Variants in TBXAS1 observed in about 807,000 individuals in gnomAD.
TBXAS1 encodes thromboxane-A synthase.
TBXAS1 carries 48 observed loss-of-function variants against 60.7 expected under a neutral mutation model. The observed-to-expected ratio is 0.79, with a 90% CI of 0.63 to 1.01. The LOEUF (loss-of-function observed/expected upper bound fraction) is 1.01, where lower values mean the gene tolerates loss of function less well. TBXAS1 is among the 50% of genes least tolerant of loss of function. TBXAS1 has a pLI of 0.00. For synonymous variants in TBXAS1, 287 were observed against 269.7 expected (o/e 1.06, Z -0.63); for missense variants, 685 against 686.3 (o/e 1.00, Z 0.02).
In TBXAS1 at chr7:139,952,014, A is replaced by AAAGAAAGAAAGAAAGAAAG. The variant is rs1569518460; in HGVS notation, c.451-1353_451-1352insAGAAAGAAAGAAAGAAAGA. Among the ~76,000 whole-genome samples the AAAGAAAGAAAGAAAGAAAG allele has an allele frequency of 7.7e-4, 31 of 40,128 alleles. 1 individual carries two copies. Among genetic ancestry groups the AAAGAAAGAAAGAAAGAAAG allele is most frequent in the South Asian group, 2.2e-3 (3 of 1,368 alleles). The allele number at this position is 40,128 out of a possible 152,430, so 26.3% of individuals were successfully genotyped here. A position where few individuals can be genotyped will look rare whatever the true frequency, so the allele number is the denominator to read the frequency against. Reference sequence around the variant, plus strand: ...AGAAAGAAAGAAAGAAAGAAAGAAAAAGAAAGGAAGGAAGGAGGGAAGGAA... The same window carrying AAAGAAAGAAAGAAAGAAAG: ...AGAAAGAAAGAAAGAAAGAAAGAAAAAAGAAAGAAAGAAAGAAAGAGAAAGGAAGGAAGGAGGGAAGGAA... On this transcript the variant is annotated intron_variant, in intron 5 of 12. Transcript: ENST00000448866.
chr7:139,799,158 TC>T (rs1176007118), intron 4 of TBXAS1, among the ~76,000 whole-genome samples: 2 of 150,430 alleles, frequency 1.3e-5, no homozygotes, highest in African/African-American at 4.9e-5. Flanking sequence ...AGCTTCCACT[TC>T]CTGGGCTCAA....
intron 4 of TBXAS1, among the ~76,000 whole-genome samples, chr7:139,820,576 G>C (rs17178543): frequency 0.097 from 14,751 of 152,060 alleles, 833 homozygotes; most frequent in Non-Finnish European, 0.13. Flanking sequence ...AAATAGACGG[G>C]TTACAGTTAC....
At chr7:139,810,120 T>C (rs1422808453) in intron 4 of TBXAS1, among the ~76,000 whole-genome samples, 1 of 151,424 alleles carries the variant, frequency 6.6e-6, no homozygotes. Context: ...CACTGCAACC[T>C]CTGTTTCACG....
chr7:139,891,401 C>T (rs1325266254), intron 3 of TBXAS1, among the ~76,000 whole-genome samples: 3 of 151,932 alleles, frequency 2.0e-5, no homozygotes, highest in African/African-American at 2.4e-5. Flanking sequence ...AGAGTTTGGC[C>T]GGGCTAGTTG....
At chr7:139,908,805 C>G (rs1805299770) in intron 3 of TBXAS1, among the ~76,000 whole-genome samples, 1 of 152,254 alleles carries the variant, frequency 6.6e-6, no homozygotes, top group Non-Finnish European at 1.5e-5. Context: ...GTTATCATCT[C>G]CCTTTCCTTT....
At chr7:139,953,613 A>C in intron 6 of TBXAS1, 157 bp downstream of exon 6, 1 of 712,136 alleles carries the variant, frequency 1.4e-6, no homozygotes, top group Non-Finnish European at 2.4e-6. Flanking sequence ...AAGAAAAGAA[A>C]CCCACTTAAC....
chr7:140,004,496 G>A lies in TBXAS1; in HGVS notation c.1135-2595G>A, dbSNP rs117685285. Among the ~76,000 whole-genome samples, 257 of 152,346 alleles carry A rather than the reference G, an allele frequency of 1.7e-3. 7 individuals are homozygous for A. The East Asian group carries it at 0.042, about 25-fold the overall frequency. On this transcript the variant is annotated intron_variant, in intron 9 of 12. Coordinates refer to ENST00000448866, the MANE Select transcript of TBXAS1 (RefSeq NM_001061.7). This position sits in a 1 kb window ranked among gnomAD's most constrained non-coding sequence, Gnocchi z 5.1. ...CACTGAAATTACACAATTGGTGTTT[G>A]TGACTTGTTGGCCAGAAGAGACAAA...
rs780174620 is a variant in TBXAS1, at chr7:140,015,831, G to C, written c.1335G>C (p.Trp445Cys). 1 of 1,613,806 alleles carries C rather than the reference G, an allele frequency of 6.2e-7. No homozygotes were observed. The highest frequency in any genetic ancestry group is 8.5e-7 in the Non-Finnish European group (1 of 1,180,044). The change falls in exon 11 of 13, where the codon TGG (tryptophan) becomes TGC (cysteine). Residue 445 changes from tryptophan to cysteine, a missense_variant. Transcript: ENST00000448866. ...CCCTGCACCATGACCCTGAGCACTG[G>C]CCAAGCCCGGAGACCTTCAACCCTG... ...VGALHHDPEHWPSPETFNPER... is the reference protein window; with the variant it reads ...VGALHHDPEHCPSPETFNPER...
chr7:139,838,070 C>T (rs370491973), intron 1 of TBXAS1, among the ~76,000 whole-genome samples: 17 of 152,272 alleles, frequency 1.1e-4, no homozygotes, highest in East Asian at 3.9e-4. Context: ...GGCCCCCTGT[C>T]GCTCTCTCCC....
chr7:139,808,650 A>T (rs1797938689), intron 4 of TBXAS1, among the ~76,000 whole-genome samples: 1 of 152,142 alleles, frequency 6.6e-6, no homozygotes, highest in African/African-American at 2.4e-5. Flanking sequence ...ACATCTGGTC[A>T]ATACTTATCC....
chr7:139,804,764 A>G (rs778402523), intron 4 of TBXAS1, among the ~76,000 whole-genome samples: 6 of 152,188 alleles, frequency 3.9e-5, no homozygotes, highest in Non-Finnish European at 5.9e-5. Flanking sequence ...CATGTAAGAC[A>G]TGCCTTTGCT....
intron 1 of TBXAS1, among the ~76,000 whole-genome samples, chr7:139,832,889 C>T (rs191488802): frequency 6.0e-4 from 91 of 152,274 alleles, no homozygotes; most frequent in African/African-American, 1.9e-3. Context: ...AAGATACAGT[C>T]GTTTTCAGAC....
At chr7:139,904,812 G>A (rs548535841) in intron 3 of TBXAS1, among the ~76,000 whole-genome samples, 9 of 152,064 alleles carry the variant, frequency 5.9e-5, no homozygotes. Flanking sequence ...TGGAAACTTT[G>A]CTGAATTTTT....
At chr7:140,019,941 G>C in intron 12 of TBXAS1, 84 bp from the exon 13 acceptor site, 1 of 1,324,888 alleles carries the variant, frequency 7.5e-7, no homozygotes, top group African/African-American at 1.4e-5. Flanking sequence ...CAACGGACTT[G>C]GCCTTCTTGA....
chr7:140,003,656 A>C (rs1813856144), intron 9 of TBXAS1, among the ~76,000 whole-genome samples: 1 of 152,194 alleles, frequency 6.6e-6, no homozygotes, highest in East Asian at 1.9e-4. Flanking sequence ...GACAACTTAC[A>C]AGCCATACAG....
chr7:139,955,266 T>C (rs1809750881), intron 6 of TBXAS1, among the ~76,000 whole-genome samples, 193 bp from the exon 7 acceptor site: 1 of 152,130 alleles, frequency 6.6e-6, no homozygotes, highest in Non-Finnish European at 1.5e-5. Context: ...CTGCCGTCAC[T>C]GCTCAGAGTG....
chr7:139,968,500 G>A (rs745984771), intron 9 of TBXAS1, among the ~76,000 whole-genome samples: 1 of 152,054 alleles, frequency 6.6e-6, no homozygotes, highest in Non-Finnish European at 1.5e-5. Flanking sequence ...TTTCCATGTT[G>A]GTCAGTCTGG....
At chr7:139,994,322 C>G (rs1012882261) in intron 9 of TBXAS1, among the ~76,000 whole-genome samples, 1 of 152,222 alleles carries the variant, frequency 6.6e-6, no homozygotes, top group Non-Finnish European at 1.5e-5. Context: ...GGATTACAGG[C>G]GTGAGCCATT....
chr7:139,826,955 G>A (rs1798452426), upstream of TBXAS1, among the ~76,000 whole-genome samples: 1 of 152,098 alleles, frequency 6.6e-6, no homozygotes, highest in African/African-American at 2.4e-5. Context: ...TGATATACCT[G>A]TAGCTCAAGT....
Sources: allele counts gnomAD v4.1 joint callset (sites outside exome capture counted in the v4.1 genomes callset), GRCh38; gene constraint gnomAD v4.1.1; non-coding constraint Gnocchi (gnomAD v3.1); transcripts MANE v1.5; gene names NCBI Gene and HGNC (gene_info 2026-07-23, HGNC 2026-07-21).